Variants in SEMA5A observed in about 807,000 individuals in gnomAD.
The protein encoded by SEMA5A is semaphorin-5A.
Under a neutral mutation model 135.5 loss-of-function variants are expected in SEMA5A, and 55 were observed. The ratio of observed to expected loss-of-function variants is 0.41; its 90% CI spans 0.33 to 0.51. The LOEUF is 0.51. Among genes scored for constraint, SEMA5A ranks in the 20% least tolerant of loss-of-function variants. SEMA5A has a pLI of 0.37. For synonymous variants in SEMA5A, 580 were observed against 546.5 expected (o/e 1.06, Z -0.85); for missense variants, 1,290 against 1,419.9 (o/e 0.91, Z 1.47).
chr5:9,207,920 A>G (rs976013210), intron 8 of SEMA5A, among the ~76,000 whole-genome samples: 15 of 146,714 alleles, frequency 1.0e-4, no homozygotes, highest in African/African-American at 3.0e-4. Flanking sequence ...TAGATAATAG[A>G]TAGATTTTAA....
chr5:9,305,098 C>T (rs1056203968), intron 5 of SEMA5A, among the ~76,000 whole-genome samples: 1 of 152,104 alleles, frequency 6.6e-6, no homozygotes, highest in African/African-American at 2.4e-5. Context: ...TCCCTTTGCC[C>T]TCATCCCAGG....
At chr5:9,320,640 C>T (rs983259845) in intron 4 of SEMA5A, among the ~76,000 whole-genome samples, 4 of 152,172 alleles carry the variant, frequency 2.6e-5, no homozygotes, top group African/African-American at 9.7e-5. Flanking sequence ...ATCCATTGAG[C>T]CTGGGAGGTC....
rs377749349 is a variant in SEMA5A at position 9,197,276 on chromosome 5, G to A, written c.960C>T (p.Cys320=). The A allele has an allele frequency of 5.0e-6, 8 of 1,613,796 alleles. No homozygotes were observed. Among genetic ancestry groups the A allele is most frequent in the South Asian group, 3.3e-5 (3 of 91,080 alleles). Residue 320 remains cysteine, a synonymous_variant, in exon 10 of 23, where the codon TGC becomes TGT. Transcript: ENST00000382496. ...GCGCGATGGCGCTCAGGTTGAAGAC[G>A]CACACAGCTGAGGCCGCAATGCTGT... is the stretch of plus-strand genomic sequence containing the variant. ...NVNSIAASAV[C]VFNLSAIAQA...
chr5:9,188,751 T>C (rs1208088891), intron 11 of SEMA5A, among the ~76,000 whole-genome samples: 1 of 98,138 alleles, frequency 1.0e-5, no homozygotes, highest in East Asian at 6.2e-4. Context: ...AGGAAATACA[T>C]GACAGAATAA....
intron 1 of SEMA5A, among the ~76,000 whole-genome samples, chr5:9,481,877 C>G (rs1759889031): frequency 6.6e-6 from 1 of 152,200 alleles, no homozygotes. Context: ...ACCAAGATTT[C>G]TTATGCACAC....
intron 11 of SEMA5A, among the ~76,000 whole-genome samples, chr5:9,178,331 C>CTTTTTTTTTTTT (rs5865809): frequency 1.6e-5 from 2 of 123,598 alleles, no homozygotes; most frequent in Non-Finnish European, 1.7e-5. Context: ...TTTTTCTCTC[C>CTTTTTTTTTTTT]TTTTTTTTTT....
In SEMA5A at chr5:9,287,907, G is replaced by C. The variant is rs960896542; in HGVS notation, c.270+30465C>G. Among the ~76,000 whole-genome samples the C allele has an allele frequency of 1.8e-4, 27 of 150,256 alleles. No homozygotes were observed. In the Admixed American group the frequency reaches 1.8e-3, roughly 10 times the overall value. On this transcript the variant is annotated intron_variant, in intron 5 of 22. Transcript: ENST00000382496. ...TTTTTAAAAAATAAAATGTCATCAT[G>C]TTCAACCAAACTCAATAGATTCTGA...
chr5:9,064,899 G>T (rs192042606), intron 17 of SEMA5A, among the ~76,000 whole-genome samples: 50 of 152,282 alleles, frequency 3.3e-4, no homozygotes, highest in African/African-American at 1.2e-3. Context: ...CACCACCCTA[G>T]GTGGAGGTCA....
intron 5 of SEMA5A, among the ~76,000 whole-genome samples, chr5:9,264,169 T>G (rs1243326782): frequency 6.6e-6 from 1 of 152,206 alleles, no homozygotes; most frequent in African/African-American, 2.4e-5. Context: ...ATAGATCACA[T>G]TAGTTTTCAT....
intron 1 of SEMA5A, among the ~76,000 whole-genome samples, chr5:9,535,342 A>G (rs968687458): frequency 2.0e-5 from 3 of 152,200 alleles, no homozygotes; most frequent in Non-Finnish European, 4.4e-5. Context: ...GCAGACGGAA[A>G]GTAAATTTGG....
At chr5:9,347,310 C>A (rs542146595) in intron 3 of SEMA5A, among the ~76,000 whole-genome samples, 18 of 152,298 alleles carry the variant, frequency 1.2e-4, no homozygotes, top group African/African-American at 3.9e-4. Context: ...ACATAGTATA[C>A]CTAACCCATT....
chr5:9,284,889 C>T (rs1170437932), intron 5 of SEMA5A, among the ~76,000 whole-genome samples: 1 of 152,158 alleles, frequency 6.6e-6, no homozygotes, highest in Non-Finnish European at 1.5e-5. Flanking sequence ...AAGGATCCGT[C>T]CTGGCAGCCA....
chr5:9,224,622 C>T, intron 8 of SEMA5A, 52 bp downstream of exon 8: 1 of 1,547,080 alleles, frequency 6.5e-7, no homozygotes, highest in Non-Finnish European at 8.9e-7. Context: ...CACCAAATCA[C>T]CAGGAATCAA....
chr5:9,278,336 T>G (rs1170737618), intron 5 of SEMA5A, among the ~76,000 whole-genome samples: 1 of 152,166 alleles, frequency 6.6e-6, no homozygotes, highest in Non-Finnish European at 1.5e-5. Context: ...GGTGATCTGA[T>G]TGTTTCTAAA....
intron 13 of SEMA5A, among the ~76,000 whole-genome samples, chr5:9,125,244 T>C (rs993567359): frequency 6.6e-6 from 1 of 152,196 alleles, no homozygotes; most frequent in Non-Finnish European, 1.5e-5. Context: ...GGATTGGGAA[T>C]TTCCTTCCAT....
chr5:9,346,914 G>GTGTATATATATA (rs869195474), intron 3 of SEMA5A, among the ~76,000 whole-genome samples: 16 of 99,170 alleles, frequency 1.6e-4, no homozygotes, highest in African/African-American at 6.2e-4. Context: ...GTGTGTGTGT[G>GTGTATATATATA]TATATATATA....
At chr5:9,514,099 C>T (rs780696630) in intron 1 of SEMA5A, among the ~76,000 whole-genome samples, 1 of 152,176 alleles carries the variant, frequency 6.6e-6, no homozygotes, top group Non-Finnish European at 1.5e-5. Flanking sequence ...GAGCTGCTTG[C>T]CTCCCTGGGC....
chr5:9,330,824 G>A (rs377462893), intron 4 of SEMA5A, among the ~76,000 whole-genome samples: 17 of 152,092 alleles, frequency 1.1e-4, no homozygotes, highest in African/African-American at 4.1e-4. Flanking sequence ...ACAGAGAAGG[G>A]GAAACCTTTA....
chr5:9,088,159 T>C (rs140896231), intron 16 of SEMA5A, among the ~76,000 whole-genome samples: 5 of 152,060 alleles, frequency 3.3e-5, no homozygotes, highest in Admixed American at 1.3e-4. Context: ...ATGCAAAAAT[T>C]AGCTGGGCAT....
Sources: gnomAD v4.1 joint callset for allele counts (sites outside exome capture counted in the v4.1 genomes callset) on GRCh38, gnomAD v4.1.1 for gene constraint, MANE v1.5 for transcripts, NCBI Gene and HGNC (gene_info 2026-07-23, HGNC 2026-07-21) for gene names.